The following OLFML2B variants were observed in gnomAD, a reference collection of about 807,000 sequenced individuals.
OLFML2B encodes olfactomedin like 2B.
In OLFML2B, 57 loss-of-function variants were observed where a neutral mutation model predicts 74.9. The ratio of observed to expected loss-of-function variants is 0.76; its 90% CI spans 0.61 to 0.95. The LOEUF is 0.95. Ranked by LOEUF, OLFML2B falls within the 40% of genes least tolerant of loss-of-function variation. The pLI is 0.00. For missense variants in OLFML2B, 986 were observed against 970.6 expected (o/e 1.02, Z -0.21); for synonymous variants, 388 against 405.8 (o/e 0.96, Z 0.53).
At chr1:162,007,218 T>G (rs1031821854) in intron 3 of OLFML2B, among the ~76,000 whole-genome samples, 30 of 152,164 alleles carry the variant, frequency 2.0e-4, no homozygotes, top group African/African-American at 7.0e-4. Context: ...GCTGTAAGTA[T>G]CCTTGGGGTT....
intron 4 of OLFML2B, among the ~76,000 whole-genome samples, chr1:162,004,017 T>C (rs1450037521): frequency 2.6e-5 from 4 of 152,146 alleles, no homozygotes; most frequent in Non-Finnish European, 5.9e-5. Flanking sequence ...GGTTTGGTGT[T>C]TTTTATTTGG....
In OLFML2B at chr1:161,984,210, C is replaced by A. The variant is rs1689521737; in HGVS notation, c.1718G>T (p.Gly573Val). 1.9e-6 allele frequency: 3 copies of A among 1,574,288 alleles called. No homozygotes were observed. Among genetic ancestry groups the A allele is most frequent in the Non-Finnish European group, 1.7e-6 (2 of 1,160,938 alleles). Residue 573 changes from glycine (G) to valine (V), a missense_variant, in exon 8 of 8, where the codon GGC becomes GTC. Coordinates refer to ENST00000294794, the MANE Select transcript of OLFML2B (RefSeq NM_015441.3). ...WIGTGHVVYN[G>V]AFYYNRAFTR... ...GAAGGCGCGATTGTAGTAGAAGGCG[C>A]CATTGTATACCACGTGGCCTGTGCC... is the stretch of plus-strand genomic sequence containing the variant.
chr1:161,984,890 A>C lies in OLFML2B; in HGVS notation c.1565T>G (p.Leu522Arg), dbSNP rs1689544758. 2 of 1,610,222 alleles carry C rather than the reference A, an allele frequency of 1.2e-6. No individual in the cohort carries two copies. Among genetic ancestry groups the C allele is most frequent in the East Asian group, 4.5e-5 (2 of 44,696 alleles). ...TACGTAAATCCGCTCATCCTTGGCC[A>C]GGGGGTCCTTCATCCAGGCCCCTTC... is the stretch of plus-strand genomic sequence containing the variant. ...RNEGAWMKDP[L>R]AKDERIYVTN... is the part of the protein sequence containing the mutation. Residue 522 changes from leucine to arginine, a missense_variant, in exon 7 of 8, where the codon CTG (leucine) becomes CGG (arginine). Transcript: ENST00000294794.
intron 6 of OLFML2B, among the ~76,000 whole-genome samples, chr1:161,993,588 G>A (rs1689805400): frequency 6.6e-6 from 1 of 152,118 alleles, no homozygotes; most frequent in Non-Finnish European, 1.5e-5. Context: ...TTAGCATCGA[G>A]TCCCTACTTC....
chr1:162,013,230 C>T (rs1394659379), intron 3 of OLFML2B, among the ~76,000 whole-genome samples: 1 of 152,138 alleles, frequency 6.6e-6, no homozygotes, highest in Non-Finnish European at 1.5e-5. Context: ...CCAACATGTA[C>T]CTACACTTCC....
intron 7 of OLFML2B, 51 bp downstream of exon 7, chr1:161,984,751 CAG>C: frequency 6.4e-7 from 1 of 1,566,288 alleles, no homozygotes; most frequent in Non-Finnish European, 8.7e-7. Context: ...GTGATAAAAA[CAG>C]AGGACGTGGG....
At position 161,983,931 on chromosome 1, in the gene OLFML2B, G is replaced by A. The variant is rs771550649; in HGVS notation, c.1997C>T (p.Thr666Met). The part of the protein sequence containing the change: ...LSTQKETTWR[T>M]GLRRNFYGNC... ...GCCGTAGAAATTCCTCCGGAGCCCC[G>A]TGCGCCATGTGGTCTCCTTCTGTGT... is the stretch of plus-strand genomic sequence containing the variant. The change falls in exon 8 of 8, where the codon ACG (threonine) becomes ATG (methionine). Residue 666 changes from threonine (T) to methionine (M), a missense_variant. Thr to Met is a moderately conservative substitution (Grantham distance 81). Coordinates refer to ENST00000294794, the MANE Select transcript of OLFML2B (RefSeq NM_015441.3). The A allele has an allele frequency of 3.1e-6, 5 of 1,614,180 alleles. No homozygotes were observed. Among genetic ancestry groups the A allele is most frequent in the African/African-American group, 1.3e-5 (1 of 75,052 alleles).
In OLFML2B at chr1:162,020,316, A is replaced by G. The variant is rs16840028; in HGVS notation, c.175-134T>C. 0.01 allele frequency: 10,112 copies of G among 984,714 alleles called. 660 individuals are homozygous for G. The African/African-American group carries it at 0.15, about 14-fold the overall frequency. The allele number at this position is 984,714 out of a possible 1,614,324, so 61.0% of individuals were successfully genotyped here. A position where few individuals can be genotyped will look rare whatever the true frequency, so the allele number is the denominator to read the frequency against. ...TCAGAAAACTCTGAACCACAGAGCC[A>G]ATAGGTCACTGAGATGCAGTTTGCT... is the stretch of plus-strand genomic sequence containing the variant. On this transcript the variant is annotated intron_variant, in intron 1 of 7. Transcript: ENST00000294794.
chr1:162,010,405 A>G (rs1420831897), intron 3 of OLFML2B, among the ~76,000 whole-genome samples: 3 of 152,236 alleles, frequency 2.0e-5, no homozygotes, highest in Non-Finnish European at 4.4e-5. Flanking sequence ...ACCAGAGGGA[A>G]GAGAACGTGC....
intron 6 of OLFML2B, among the ~76,000 whole-genome samples, chr1:161,992,898 C>T (rs1194866967): frequency 6.6e-6 from 1 of 152,134 alleles, no homozygotes; most frequent in East Asian, 1.9e-4. Flanking sequence ...ACAAAGTGAG[C>T]ACATAGGGTT....
intron 3 of OLFML2B, among the ~76,000 whole-genome samples, chr1:162,014,820 A>C (rs749994008): frequency 6.6e-6 from 1 of 152,216 alleles, no homozygotes; most frequent in Non-Finnish European, 1.5e-5. Flanking sequence ...CCCGAACTCA[A>C]CTTTAATCCT....
At chr1:162,021,741 T>G (rs1570962287) in intron 1 of OLFML2B, among the ~76,000 whole-genome samples, 1 of 152,198 alleles carries the variant, frequency 6.6e-6, no homozygotes, top group Admixed American at 6.5e-5. Context: ...ATTGTGGCTG[T>G]CTGCTCTCTG....
chr1:162,003,969 G>A (rs1184573900), intron 4 of OLFML2B, among the ~76,000 whole-genome samples: 11 of 152,224 alleles, frequency 7.2e-5, no homozygotes, highest in Non-Finnish European at 1.0e-4. Flanking sequence ...ATGGGGACTG[G>A]AGGAGGGGAA....
chr1:162,011,997 T>C (rs2101973722), intron 3 of OLFML2B, among the ~76,000 whole-genome samples: 1 of 152,242 alleles, frequency 6.6e-6, no homozygotes, highest in South Asian at 2.1e-4. Flanking sequence ...AGAGGTAATA[T>C]ATTGGCTTTA....
At chr1:162,003,596 T>C (rs1248539139) in intron 4 of OLFML2B, among the ~76,000 whole-genome samples, 3 of 152,168 alleles carry the variant, frequency 2.0e-5, no homozygotes, top group East Asian at 3.9e-4. Flanking sequence ...AAGTGTCTGC[T>C]GTATGACTTC....
At chr1:162,019,366 C>T (rs1570959754) in intron 2 of OLFML2B, among the ~76,000 whole-genome samples, 1 of 152,182 alleles carries the variant, frequency 6.6e-6, no homozygotes, top group African/African-American at 2.4e-5. Flanking sequence ...TGTTCCACTA[C>T]CCCACGCTGC....
chr1:162,004,238 C>A (rs528083486), intron 4 of OLFML2B, among the ~76,000 whole-genome samples: 5 of 152,230 alleles, frequency 3.3e-5, no homozygotes, highest in African/African-American at 1.2e-4. Flanking sequence ...TGAGTGGGAG[C>A]CTTCAAGTTC....
rs2341466 is a variant in OLFML2B at position 161,991,460 on chromosome 1, C to T, written c.1474+6365G>A. Among the ~76,000 whole-genome samples, 202 of 152,264 alleles carry T rather than the reference C, an allele frequency of 1.3e-3. 4 individuals carry two copies. The East Asian group carries it at 0.029, about 22-fold the overall frequency. On this transcript the variant is annotated intron_variant, in intron 6 of 7. Coordinates refer to ENST00000294794, the MANE Select transcript of OLFML2B (RefSeq NM_015441.3). ...TTTTTAAAATAATCTCCTGGCCAGGCGCGGTGGCTCACACCTGTAATCCCA... is the reference window on the plus strand; with the variant it reads ...TTTTTAAAATAATCTCCTGGCCAGGTGCGGTGGCTCACACCTGTAATCCCA...
chr1:162,005,314 C>G (rs1267369751), intron 4 of OLFML2B, among the ~76,000 whole-genome samples: 1 of 152,154 alleles, frequency 6.6e-6, no homozygotes, highest in Non-Finnish European at 1.5e-5. Context: ...TAACTTCGTG[C>G]TAGGGACACA....
Sources: allele counts gnomAD v4.1 joint callset (sites outside exome capture counted in the v4.1 genomes callset), GRCh38; gene constraint gnomAD v4.1.1; transcripts MANE v1.5; gene names NCBI Gene and HGNC (gene_info 2026-07-23, HGNC 2026-07-21).